SMYD3: variants seen among roughly 807,000 people sequenced by gnomAD.
The protein encoded by SMYD3 is SET and MYND domain containing 3.
A neutral mutation model predicts 57.7 loss-of-function variants in SMYD3; 36 were observed. The ratio of observed to expected loss-of-function variants is 0.62; its 90% CI spans 0.48 to 0.82. The LOEUF is 0.82. Among genes scored for constraint, SMYD3 ranks in the 40% least tolerant of loss-of-function variants. The pLI is 0.00. For synonymous variants in SMYD3, 211 were observed against 195.0 expected (o/e 1.08, Z -0.68); for missense variants, 515 against 538.8 (o/e 0.96, Z 0.44).
At chr1:246,187,351 T>C (rs1295832679) in intron 5 of SMYD3, among the ~76,000 whole-genome samples, 1 of 150,206 alleles carries the variant, frequency 6.7e-6, no homozygotes, top group African/African-American at 2.4e-5. Flanking sequence ...GGAAAAGATA[T>C]CAAATAAGGA....
At chr1:246,239,539 C>T (rs528666287) in intron 5 of SMYD3, among the ~76,000 whole-genome samples, 19 of 152,240 alleles carry the variant, frequency 1.2e-4, no homozygotes, top group Middle Eastern at 3.4e-3. Context: ...TGAATACTGC[C>T]GCAATAAACA....
At chr1:246,374,540 G>A (rs897223824) in intron 1 of SMYD3, among the ~76,000 whole-genome samples, 16 of 146,414 alleles carry the variant, frequency 1.1e-4, no homozygotes, top group Admixed American at 7.8e-4. Flanking sequence ...GTACCACAGT[G>A]CTGTCTCGTG....
At chr1:245,892,564 C>A (rs1055913177) in intron 8 of SMYD3, among the ~76,000 whole-genome samples, 17 of 152,178 alleles carry the variant, frequency 1.1e-4, no homozygotes, top group Non-Finnish European at 8.8e-5. Context: ...ATGTCTCTGG[C>A]CAGTTGCTGA....
At chr1:245,798,210 T>G (rs2047637541) in intron 10 of SMYD3, among the ~76,000 whole-genome samples, 1 of 151,932 alleles carries the variant, frequency 6.6e-6, no homozygotes, top group Admixed American at 6.6e-5. Context: ...CTCCTTAGCC[T>G]GGCCTGCGCC....
chr1:246,349,784 T>C (rs2065792282), intron 2 of SMYD3, among the ~76,000 whole-genome samples: 1 of 152,200 alleles, frequency 6.6e-6, no homozygotes, highest in Non-Finnish European at 1.5e-5. Flanking sequence ...CTATATCTGA[T>C]GTTCTAATGA....
intron 5 of SMYD3, among the ~76,000 whole-genome samples, chr1:245,936,241 A>G (rs533341835): frequency 2.0e-5 from 3 of 152,346 alleles, no homozygotes; most frequent in East Asian, 3.9e-4. Context: ...TAATTCTATA[A>G]ATTTGTCTCA....
At chr1:245,902,601 GC>G (rs750675007) in intron 8 of SMYD3, among the ~76,000 whole-genome samples, 4 of 152,204 alleles carry the variant, frequency 2.6e-5, no homozygotes, top group Non-Finnish European at 4.4e-5. Context: ...CTGGCCCACT[GC>G]CACCATCACC....
chr1:246,102,316 C>A (rs1052280462), intron 5 of SMYD3, among the ~76,000 whole-genome samples: 4 of 152,148 alleles, frequency 2.6e-5, no homozygotes, highest in Non-Finnish European at 4.4e-5. Flanking sequence ...CCAAATATTT[C>A]TCACCTGAAC....
At chr1:245,854,985 T>C (rs2051164763) in intron 10 of SMYD3, among the ~76,000 whole-genome samples, 1 of 152,226 alleles carries the variant, frequency 6.6e-6, no homozygotes, top group Non-Finnish European at 1.5e-5. Context: ...GGCTCTGGAA[T>C]ATATTCAGAC....
chr1:246,315,099 T>G (rs924269389), intron 5 of SMYD3, among the ~76,000 whole-genome samples: 4 of 152,154 alleles, frequency 2.6e-5, no homozygotes, highest in Admixed American at 2.0e-4. Context: ...ACTGATGTAT[T>G]CTGGAGAAAG....
chr1:246,271,475 T>C (rs1384846892), intron 5 of SMYD3, among the ~76,000 whole-genome samples: 2 of 152,214 alleles, frequency 1.3e-5, no homozygotes, highest in East Asian at 1.9e-4. Flanking sequence ...GATTTTTGTA[T>C]ACAAACTTAG....
intron 5 of SMYD3, among the ~76,000 whole-genome samples, chr1:246,300,881 T>A (rs756245938): frequency 1.6e-4 from 25 of 152,138 alleles, no homozygotes; most frequent in Middle Eastern, 3.2e-3. Flanking sequence ...CCTCAGGAAA[T>A]CAAAGTCTGG....
rs377529482 is a variant in SMYD3, at chr1:245,783,622, A to C, written c.1077-19473T>G. Reference sequence around the variant, plus strand: ...TAAGCTGCCCCTATTTACAGGTAACATGATTGCCTATGTAGAAAATCCCAA... The same window carrying C: ...TAAGCTGCCCCTATTTACAGGTAACCTGATTGCCTATGTAGAAAATCCCAA... On this transcript the variant is annotated intron_variant, in intron 10 of 11. Coordinates refer to ENST00000490107, the MANE Select transcript of SMYD3 (RefSeq NM_001167740.2). 7.2e-5 allele frequency among the ~76,000 whole-genome samples: 11 copies of C among 152,224 alleles called. No homozygotes were observed. In the South Asian group the frequency reaches 2.3e-3, roughly 32 times the overall value.
chr1:246,405,739 T>C (rs958642615), intron 1 of SMYD3, among the ~76,000 whole-genome samples: 2 of 151,836 alleles, frequency 1.3e-5, no homozygotes, highest in African/African-American at 4.8e-5. Flanking sequence ...AAACCCCGTC[T>C]CTACTAAAAA....
chr1:246,426,614 T>C (rs1436234143), intron 1 of SMYD3, among the ~76,000 whole-genome samples: 3 of 152,190 alleles, frequency 2.0e-5, no homozygotes, highest in African/African-American at 7.2e-5. Flanking sequence ...TTAAGTAAAA[T>C]GTCATATGAG....
At chr1:246,136,492 G>A (rs1227779892) in intron 5 of SMYD3, among the ~76,000 whole-genome samples, 1 of 152,142 alleles carries the variant, frequency 6.6e-6, no homozygotes, top group African/African-American at 2.4e-5. Flanking sequence ...ACTCTGTAAT[G>A]GCAAAAGAAA....
chr1:246,321,707 G>A lies in SMYD3; in HGVS notation c.531+5494C>T, dbSNP rs1027033745. On this transcript the variant is annotated intron_variant, in intron 5 of 11. Coordinates refer to ENST00000490107, the MANE Select transcript of SMYD3 (RefSeq NM_001167740.2). ...TACATTTTCTATATTTGTAGCAAAT[G>A]TTTCGGACCCAATCAGTACACCGAA... 2.6e-5 allele frequency: 4 copies of A among 152,090 alleles called. No individual in the cohort carries two copies. In the East Asian group the frequency reaches 7.7e-4, roughly 29 times the overall value. The allele number at this position is 152,090 out of a possible 1,614,324, so 9.4% of individuals were successfully genotyped here.
At chr1:246,145,710 T>TA (rs1356529185) in intron 5 of SMYD3, among the ~76,000 whole-genome samples, 3 of 152,094 alleles carry the variant, frequency 2.0e-5, no homozygotes, top group Non-Finnish European at 4.4e-5. Context: ...AGCAGCTAAT[T>TA]AAAAAAACAG....
At chr1:245,827,809 A>G (rs1004832397) in intron 10 of SMYD3, among the ~76,000 whole-genome samples, 67 of 152,134 alleles carry the variant, frequency 4.4e-4, no homozygotes, top group African/African-American at 1.5e-3. Flanking sequence ...TGAGACCCAG[A>G]GATGTGAGGT....
Sources: allele counts gnomAD v4.1 joint callset (sites outside exome capture counted in the v4.1 genomes callset), GRCh38; gene constraint gnomAD v4.1.1; transcripts MANE v1.5; gene names NCBI Gene and HGNC (gene_info 2026-07-23, HGNC 2026-07-21).